The following CLIC5 variants were observed in gnomAD, a reference collection of about 807,000 sequenced individuals.
CLIC5 encodes the protein CLIC family member 5, also known as chloride intracellular channel protein 5.
Under a neutral mutation model 24.7 loss-of-function variants are expected in CLIC5, and 20 were observed. That is an observed-to-expected ratio of 0.81 (90% CI 0.57 to 1.18). CLIC5 has a LOEUF of 1.18. Ranked by LOEUF, CLIC5 falls within the 50% of genes most tolerant of loss-of-function variation. CLIC5 has a pLI of 0.00. For missense variants in CLIC5, 341 were observed against 326.1 expected (o/e 1.05, Z -0.35); for synonymous variants, 159 against 135.6 (o/e 1.17, Z -1.20).
chr6:45,914,390 G>C lies in CLIC5; in HGVS notation c.426C>G (p.Thr142=), dbSNP rs200734682. 7.6e-6 allele frequency: 12 copies of C among 1,572,396 alleles called. No homozygotes were observed. The highest frequency in any genetic ancestry group is 1.0e-5 in the Non-Finnish European group (12 of 1,151,270). The change falls in exon 5 of 6, where the codon ACC becomes ACG. Residue 142 remains threonine (T), a synonymous_variant. Coordinates refer to ENST00000339561, the MANE Select transcript of CLIC5 (RefSeq NM_016929.5). Reference sequence around the variant, plus strand: ...AGTCATCCAATTTCTTTAGAGCCTTGGTTAGGCCTCTTTCAAGAGCTGGCA... The same window carrying C: ...AGTCATCCAATTTCTTTAGAGCCTTCGTTAGGCCTCTTTCAAGAGCTGGCA... ...QNNAALERGL[T]KALKKLDDYL...
At position 45,962,344 on chromosome 6, in the gene CLIC5, C is replaced by T. The variant is rs189835452; in HGVS notation, c.64-7100G>A. Among the ~76,000 whole-genome samples, 780 of 151,840 alleles carry T rather than the reference C, an allele frequency of 5.1e-3. 10 individuals are homozygous for T. Among genetic ancestry groups the T allele is most frequent in the South Asian group, 0.051 (245 of 4,800 alleles). Reference sequence around the variant, plus strand: ...GAAGCCCCGGGGAAGAGCCGCAGTTCGAGTCCAAAGGCAGCCTGCTGGCAG... The same window carrying T: ...GAAGCCCCGGGGAAGAGCCGCAGTTTGAGTCCAAAGGCAGCCTGCTGGCAG... On this transcript the variant is annotated intron_variant, in intron 1 of 5. Coordinates refer to ENST00000339561, the MANE Select transcript of CLIC5 (RefSeq NM_016929.5).
At chr6:46,122,363 A>G in the CLIC5 span, among the ~76,000 whole-genome samples, 1 of 152,246 alleles carries the variant, frequency 6.6e-6, no homozygotes, top group East Asian at 1.9e-4. Flanking sequence ...ACAGAAATAA[A>G]GATGTTCTTT....
At chr6:45,881,755 C>T (rs994186178) in intron 6 of CLIC5, among the ~76,000 whole-genome samples, 13 of 152,082 alleles carry the variant, frequency 8.5e-5, no homozygotes, top group Admixed American at 3.3e-4. Context: ...TCCCAGAAGA[C>T]TTTGGTGCCC....
intron 1 of CLIC5, among the ~76,000 whole-genome samples, chr6:45,970,338 A>G (rs1341660838): frequency 6.6e-6 from 1 of 152,182 alleles, no homozygotes; most frequent in African/African-American, 2.4e-5. Flanking sequence ...TGTGTCAAGA[A>G]GACCCAATTT....
chr6:46,123,151 A>T, the CLIC5 span: 1 of 152,256 alleles, frequency 6.6e-6, no homozygotes, highest in African/African-American at 2.4e-5. Context: ...TTAGACCAAT[A>T]TCCCTGATGA....
intron 1 of CLIC5, among the ~76,000 whole-genome samples, chr6:45,959,923 AT>A (rs527385070): frequency 0.021 from 3,197 of 150,130 alleles, 120 homozygotes; most frequent in African/African-American, 0.074. Context: ...AATTGAGGCT[AT>A]TTTTTTTTTC....
intron 1 of CLIC5, among the ~76,000 whole-genome samples, chr6:45,977,849 T>C (rs1293429500): frequency 1.3e-5 from 2 of 152,238 alleles, no homozygotes; most frequent in Non-Finnish European, 2.9e-5. Flanking sequence ...ATTTCATTCA[T>C]TCACTTGACA....
chr6:45,928,299 C>G (rs1763581157), intron 4 of CLIC5, among the ~76,000 whole-genome samples: 1 of 152,192 alleles, frequency 6.6e-6, no homozygotes, highest in Admixed American at 6.5e-5. Context: ...AATGCTGAAG[C>G]TTTTGCTAGA....
chr6:46,019,094 A>T (rs1387106687), upstream of CLIC5, among the ~76,000 whole-genome samples: 1 of 151,808 alleles, frequency 6.6e-6, no homozygotes, highest in Admixed American at 6.6e-5. Context: ...AAAAAAAAAA[A>T]GCCAACAGAT....
chr6:46,016,686 C>A (rs1034034468), upstream of CLIC5, among the ~76,000 whole-genome samples: 18 of 152,144 alleles, frequency 1.2e-4, no homozygotes, highest in African/African-American at 3.9e-4. Flanking sequence ...ACCCATGTAA[C>A]GAGCGCCAGA....
chr6:46,052,790 A>T (rs1768140402), intron 1 of CLIC5, among the ~76,000 whole-genome samples: 1 of 151,418 alleles, frequency 6.6e-6, no homozygotes, highest in South Asian at 2.1e-4. Flanking sequence ...CAGCCATTTG[A>T]GGGTGTGGGG....
chr6:45,981,983 G>A (rs1028141652), intron 1 of CLIC5, among the ~76,000 whole-genome samples: 2 of 149,212 alleles, frequency 1.3e-5, no homozygotes, highest in Non-Finnish European at 3.0e-5. Context: ...GGGTGATAGA[G>A]GGAGACTCCA....
At chr6:45,963,964 A>G (rs987445820) in intron 1 of CLIC5, among the ~76,000 whole-genome samples, 2 of 152,142 alleles carry the variant, frequency 1.3e-5, no homozygotes, top group African/African-American at 4.8e-5. Context: ...TGTTTTATTT[A>G]TCTACTCTCA....
intron 4 of CLIC5, among the ~76,000 whole-genome samples, chr6:45,937,790 A>G (rs1763992249): frequency 6.6e-6 from 1 of 152,178 alleles, no homozygotes; most frequent in African/African-American, 2.4e-5. Context: ...GCTCCCACGG[A>G]TGGGGTCTCG....
intron 1 of CLIC5, among the ~76,000 whole-genome samples, chr6:45,976,442 C>T (rs1350131495): frequency 2.0e-5 from 3 of 152,076 alleles, no homozygotes; most frequent in Non-Finnish European, 4.4e-5. Context: ...GGGAAGGTCC[C>T]TGGAAAACTG....
In CLIC5 at chr6:46,068,286, C is replaced by T. The variant is rs114730053; in HGVS notation, c.540+11417G>A. Among the ~76,000 whole-genome samples, 673 of 152,236 alleles carry T rather than the reference C, an allele frequency of 4.4e-3. 3 individuals carry two copies. Among genetic ancestry groups the T allele is most frequent in the African/African-American group, 0.015 (626 of 41,542 alleles). The stretch of plus-strand genomic sequence containing the variant: ...AATAAGTTTCTGTTGTTTTAAAACA[C>T]CATGTTTTCAGTAATTTGTTACAGC... On this transcript the variant is annotated intron_variant, in intron 1 of 5. Coordinates refer to the CLIC5 transcript ENST00000185206.
Position 45,926,926 on chromosome 6 carries a change from G to A in CLIC5, c.407-12517C>T, listed in dbSNP as rs148706144. On this transcript the variant is annotated intron_variant, in intron 4 of 5. Coordinates refer to ENST00000339561, the MANE Select transcript of CLIC5 (RefSeq NM_016929.5). ...CTACAAAAGCATTGTATGTTCTCAC[G>A]TCAAAGACAATGCTAGTCACAGAAC... Among the ~76,000 whole-genome samples, 180 of 152,222 alleles carry A rather than the reference G, an allele frequency of 1.2e-3. 1 individual carries two copies. Among genetic ancestry groups the A allele is most frequent in the African/African-American group, 3.8e-3 (159 of 41,540 alleles).
intron 1 of CLIC5, among the ~76,000 whole-genome samples, chr6:46,025,461 A>C (rs1441271801): frequency 6.6e-6 from 1 of 152,206 alleles, no homozygotes; most frequent in African/African-American, 2.4e-5. Flanking sequence ...AGAAAGCGCT[A>C]GAGCTGGGGA....
At position 45,989,979 on chromosome 6, in the gene CLIC5, A is replaced by T. The variant is rs941803527; in HGVS notation, c.63+25501T>A. On this transcript the variant is annotated intron_variant, in intron 1 of 5. Transcript: ENST00000339561. The stretch of plus-strand genomic sequence containing the variant: ...TTTGTTCTTGAGAGGGAAGTGTAGA[A>T]TAGGAGCTTGGAAGTGAATCCCTAT... Among the ~76,000 whole-genome samples the T allele has an allele frequency of 5.3e-5, 8 of 152,092 alleles. No individual in the cohort carries two copies. In the South Asian group the frequency reaches 1.7e-3, roughly 32 times the overall value.
Sources: allele counts gnomAD v4.1 joint callset (sites outside exome capture counted in the v4.1 genomes callset), GRCh38; gene constraint gnomAD v4.1.1; transcripts MANE v1.5; gene names NCBI Gene and HGNC (gene_info 2026-07-23, HGNC 2026-07-21).